The following PPL variants were observed in gnomAD, a reference collection of about 807,000 sequenced individuals.
The protein encoded by PPL is 190 kDa paraneoplastic pemphigus antigen.
A neutral mutation model predicts 194.4 loss-of-function variants in PPL; 198 were observed. That is an observed-to-expected ratio of 1.02 (90% CI 0.91 to 1.15). The LOEUF is 1.15. PPL is among the 50% of genes most tolerant of loss of function. PPL has a pLI of 0.00. For synonymous variants in PPL, 1,220 were observed against 972.4 expected (o/e 1.25, Z -4.74); for missense variants, 2,885 against 2,294.8 (o/e 1.26, Z -5.25).
rs549598717 is a variant in PPL at position 4,890,239 on chromosome 16, T to C, written c.2258A>G (p.Glu753Gly). 42 of 1,614,144 alleles carry C rather than the reference T, an allele frequency of 2.6e-5. No homozygotes were observed. Among genetic ancestry groups the C allele is most frequent in the African/African-American group, 4.0e-5 (3 of 75,036 alleles). ...LQFLVSIPSY[E>G]PQETDSLSQM... The stretch of plus-strand genomic sequence containing the variant: ...GCTGAGGCTGTCTGTCTCCTGGGGC[T>C]CGTAACTGGGGATGCTGACTAGGAA... The change falls in exon 18 of 22, where the codon GAG becomes GGG. Residue 753 changes from glutamate to glycine, a missense_variant. Physicochemically the swap from Glu to Gly is moderately conservative, Grantham distance 98. Coordinates refer to ENST00000345988, the MANE Select transcript of PPL (RefSeq NM_002705.5).
rs1384805257 is a variant in PPL at position 4,890,925 on chromosome 16, G to A, written c.1969-4C>T. On this transcript the variant is annotated splice_polypyrimidine_tract_variant and splice_region_variant and intron_variant, in intron 16 of 21. Transcript: ENST00000345988. ...CCTGTAACTCACAGGCCATGGCCTG[G>A]CGGGGCAGAGGAGGAGACGGCGGTG... 4.6e-6 allele frequency: 7 copies of A among 1,514,564 alleles called. No homozygotes were observed. The Admixed American group carries it at 8.8e-5, about 19-fold the overall frequency. 93.8% of individuals were successfully genotyped at this position (1,514,564 alleles called of 1,614,324 possible).
intron 1 of PPL, among the ~76,000 whole-genome samples, chr16:4,922,196 G>C (rs2089063231): frequency 6.6e-6 from 1 of 152,158 alleles, no homozygotes; most frequent in South Asian, 2.1e-4. Context: ...TAGCCTCTCT[G>C]AGCCTCAGTT....
At chr16:4,898,302 C>T (rs1302292551) in intron 8 of PPL, among the ~76,000 whole-genome samples, 2 of 152,226 alleles carry the variant, frequency 1.3e-5, no homozygotes, top group African/African-American at 2.4e-5. Flanking sequence ...TGCTTGAACC[C>T]GGGAGGTGGA....
intron 1 of PPL, among the ~76,000 whole-genome samples, chr16:4,922,647 G>A (rs2089073182): frequency 6.6e-6 from 1 of 152,090 alleles, no homozygotes; most frequent in South Asian, 2.1e-4. Context: ...GGGTGACAGA[G>A]CAAGACTCCA....
chr16:4,926,573 T>C lies in PPL; in HGVS notation c.62+10411A>G, dbSNP rs1308422935. 3.9e-5 allele frequency among the ~76,000 whole-genome samples: 6 copies of C among 152,200 alleles called. No individual in the cohort carries two copies. In the East Asian group the frequency reaches 1.2e-3, roughly 29 times the overall value. ...GGTAGGTTAAGGAAAAACACCCCAATGGGTATAATTACAAAGATTTGGCTT... is the reference window on the plus strand; with the variant it reads ...GGTAGGTTAAGGAAAAACACCCCAACGGGTATAATTACAAAGATTTGGCTT... On this transcript the variant is annotated intron_variant, in intron 1 of 21. Coordinates refer to ENST00000345988, the MANE Select transcript of PPL (RefSeq NM_002705.5).
intron 1 of PPL, among the ~76,000 whole-genome samples, chr16:4,914,579 A>G (rs1319138139): frequency 6.6e-6 from 1 of 152,180 alleles, no homozygotes; most frequent in Non-Finnish European, 1.5e-5. Flanking sequence ...ACCTTCTGCA[A>G]GGTCAACTGG....
At chr16:4,890,154 T>C (rs2088291497) in intron 18 of PPL, 30 bp downstream of exon 18, 1 of 1,613,660 alleles carries the variant, frequency 6.2e-7, no homozygotes. Context: ...TGCCAGTGTG[T>C]GCCTGGGGCT....
rs1949699401 is a variant in PPL at position 4,902,865 on chromosome 16, T to C, written c.318-339A>G. On this transcript the variant is annotated intron_variant, in intron 3 of 21. Transcript: ENST00000345988. The surrounding 1 kb of genome is among the most constrained non-coding windows in gnomAD (Gnocchi z 4.0). Reference sequence around the variant, plus strand: ...CCACCTCGCCTGGGTAATTTTGTATTTTCAGTAGAGACGGGGTTTCACCAT... The same window carrying C: ...CCACCTCGCCTGGGTAATTTTGTATCTTCAGTAGAGACGGGGTTTCACCAT... Among the ~76,000 whole-genome samples, 1 of 152,154 alleles carries C rather than the reference T, an allele frequency of 6.6e-6. No individual in the cohort carries two copies. The highest frequency in any genetic ancestry group is 6.5e-5 in the Admixed American group (1 of 15,282).
In PPL at chr16:4,883,506, T is replaced by G. The variant is rs1641173227; in HGVS notation, c.5149A>C (p.Lys1717Gln). ...SSVIHDRKSG[K>Q]KFSIEEALQS... ...AGGGCCTCTTCGATGGAGAACTTCT[T>G]GCCAGACTTCCTGTCGTGTATCACT... The change falls in exon 22 of 22, where the codon AAG (lysine) becomes CAG (glutamine). Residue 1717 changes from lysine (K) to glutamine (Q), a missense_variant. Physicochemically the swap from Lys to Gln is moderately conservative, Grantham distance 53. Coordinates refer to ENST00000345988, the MANE Select transcript of PPL (RefSeq NM_002705.5). This position sits in a 1 kb window ranked among gnomAD's most constrained non-coding sequence, Gnocchi z 4.8. The G allele has an allele frequency of 6.2e-7, 1 of 1,614,196 alleles. No individual in the cohort carries two copies. The highest frequency in any genetic ancestry group is 1.7e-5 in the Admixed American group (1 of 60,026).
rs145093753 is a variant in PPL at position 4,902,168 on chromosome 16, G to C, written c.438+238C>G. On this transcript the variant is annotated intron_variant, in intron 4 of 21. Transcript: ENST00000345988. This position sits in a 1 kb window ranked among gnomAD's most constrained non-coding sequence, Gnocchi z 4.0. The stretch of plus-strand genomic sequence containing the variant: ...AAGTGGGACCCAGGAGCAGCAGCGA[G>C]GTGTGGCTGACAGGGGACAGAGTCC... Among the ~76,000 whole-genome samples the C allele has an allele frequency of 2.9e-4, 44 of 152,312 alleles. No homozygotes were observed. The highest frequency in any genetic ancestry group is 1.1e-3 in the African/African-American group (44 of 41,562).
At chr16:4,934,498 C>T (rs909467309) in intron 1 of PPL, among the ~76,000 whole-genome samples, 6 of 152,232 alleles carry the variant, frequency 3.9e-5, no homozygotes, top group African/African-American at 9.6e-5. Flanking sequence ...TATTACCACC[C>T]GTGCTGTGCA....
At chr16:4,920,362 A>AGAAG (rs2089023518) in intron 1 of PPL, among the ~76,000 whole-genome samples, 1 of 72,384 alleles carries the variant, frequency 1.4e-5, no homozygotes, top group Non-Finnish European at 4.6e-5. Flanking sequence ...AAAGAAAGAA[A>AGAAG]GAAAGAAAGG....
intron 13 of PPL, 78 bp downstream of exon 13, chr16:4,893,463 C>G: frequency 6.3e-7 from 1 of 1,592,036 alleles, no homozygotes; most frequent in Admixed American, 1.7e-5. Flanking sequence ...CCCGCCGTCT[C>G]ATCCACAGCA....
At position 4,892,104 on chromosome 16, in the gene PPL, C is replaced by G. The variant is rs146898080; in HGVS notation, c.1760G>C (p.Arg587Thr). 1,085 of 1,613,818 alleles carry G rather than the reference C, an allele frequency of 6.7e-4. 9 individuals carry two copies. In the South Asian group the frequency reaches 0.011, roughly 17 times the overall value. Reference protein sequence around the residue: ...LPGSGTTPLLRTRVEDTNRKY... With the variant: ...LPGSGTTPLLTTRVEDTNRKY... ...CCGGTTGGTGTCCTCCACCCGGGTC[C>G]TCAGCAGGGGTGTGGTGCCACTGCC... The change falls in exon 15 of 22, where the codon AGG becomes ACG. Residue 587 changes from arginine to threonine, a missense_variant. By Grantham distance (71) the Arg-to-Thr change is moderately conservative (BLOSUM62 -1). Coordinates refer to ENST00000345988, the MANE Select transcript of PPL (RefSeq NM_002705.5).
intron 1 of PPL, among the ~76,000 whole-genome samples, chr16:4,924,336 A>C (rs747331686): frequency 2.0e-5 from 3 of 152,304 alleles, no homozygotes; most frequent in Admixed American, 6.5e-5. Context: ...GCACACAGAC[A>C]TACGTGCACA....
intron 11 of PPL, 73 bp from the exon 12 acceptor site, chr16:4,894,691 C>G: frequency 6.5e-7 from 1 of 1,549,776 alleles, no homozygotes; most frequent in South Asian, 1.2e-5. Flanking sequence ...GCCATCTCAG[C>G]CCCCGACTCT....
Position 4,893,144 on chromosome 16 carries a change from C to G in PPL, c.1650+69G>C, listed in dbSNP as rs1567999914. The G allele has an allele frequency of 2.8e-6, 4 of 1,435,760 alleles. No homozygotes were observed. In the Admixed American group the frequency reaches 1.1e-4, roughly 39 times the overall value. The allele number at this position is 1,435,760 out of a possible 1,614,324, so 88.9% of individuals were successfully genotyped here. A position where few individuals can be genotyped will look rare whatever the true frequency, so the allele number is the denominator to read the frequency against. On this transcript the variant is annotated intron_variant, in intron 14 of 21. Transcript: ENST00000345988. ...CCAAGACTCCATGGGGAAAAGACCT[C>G]AAATAGGGGCCCCAGGGGGCCAGTG...
chr16:4,901,743 C>T (rs2088575439), intron 4 of PPL, among the ~76,000 whole-genome samples: 1 of 150,464 alleles, frequency 6.6e-6, no homozygotes, highest in South Asian at 2.1e-4. Context: ...AGTTTGAGAC[C>T]AGCCTGGCCA....
chr16:4,886,112 C>T (rs2088215930), intron 21 of PPL, 65 bp from the exon 22 acceptor site: 3 of 1,598,720 alleles, frequency 1.9e-6, no homozygotes, highest in Non-Finnish European at 2.6e-6. Flanking sequence ...GGCCTGTCCC[C>T]ACCTGGTCAG....
Sources: gnomAD v4.1 joint callset for allele counts (sites outside exome capture counted in the v4.1 genomes callset) on GRCh38, gnomAD v4.1.1 for gene constraint, Gnocchi (gnomAD v3.1) non-coding constraint, MANE v1.5 for transcripts, NCBI Gene and HGNC (gene_info 2026-07-23, HGNC 2026-07-21) for gene names.